SPEN: variants seen among roughly 807,000 people sequenced by gnomAD.
SPEN encodes msx2-interacting protein.
SPEN carries 18 observed loss-of-function variants against 269.9 expected under a neutral mutation model. The observed-to-expected ratio is 0.07, with a 90% CI of 0.05 to 0.10. The LOEUF (loss-of-function observed/expected upper bound fraction) is 0.10, where lower values mean the gene tolerates loss of function less well. Ranked by LOEUF, SPEN falls within the 10% of genes least tolerant of loss-of-function variation. The pLI, the probability that SPEN is intolerant of heterozygous loss-of-function variation, is 1.00. For missense variants in SPEN, 3,822 were observed against 4,631.2 expected (o/e 0.83, Z 5.07); for synonymous variants, 1,726 against 1,765.7 (o/e 0.98, Z 0.56).
intron 3 of SPEN, among the ~76,000 whole-genome samples, chr1:15,905,665 C>T (rs1044445930): frequency 2.0e-5 from 3 of 151,928 alleles, no homozygotes; most frequent in Non-Finnish European, 2.9e-5. Flanking sequence ...CTCCACCTCC[C>T]GGGTTCAAGC....
intron 3 of SPEN, among the ~76,000 whole-genome samples, chr1:15,886,053 TA>T (rs1216354986): frequency 7.2e-5 from 11 of 152,346 alleles, no homozygotes; most frequent in African/African-American, 2.4e-4. Context: ...TGGATACCTG[TA>T]AATAGGTCTG....
At chr1:15,917,411 CAG>C (rs1482154314) in intron 6 of SPEN, among the ~76,000 whole-genome samples, 1 of 152,050 alleles carries the variant, frequency 6.6e-6, no homozygotes, top group East Asian at 1.9e-4. Flanking sequence ...TTTTTTTAGA[CAG>C]AGTTTCACTC....
At position 15,936,133 on chromosome 1, in the gene SPEN, C is replaced by G. The variant is rs2071272740; in HGVS notation, c.9893C>G (p.Ser3298Cys). Residue 3298 changes from serine to cysteine, a missense_variant, in exon 11 of 15, where the codon TCC (serine) becomes TGC (cysteine). Transcript: ENST00000375759. ...VVTHGVQIVH[S>C]SGELFQEYRY... The stretch of plus-strand genomic sequence containing the variant: ...ACCCATGGGGTGCAGATTGTGCACT[C>G]CAGCGGGGAGCTGTTTCAAGAGTAC... The G allele has an allele frequency of 6.2e-7, 1 of 1,611,520 alleles. No individual in the cohort carries two copies. Among genetic ancestry groups the G allele is most frequent in the African/African-American group, 1.3e-5 (1 of 74,794 alleles).
At position 15,937,192 on chromosome 1, in the gene SPEN, G is replaced by T. The variant is rs1570074109; in HGVS notation, c.10056G>T (p.Gln3352His). Reference protein sequence around the residue: ...QGPPPEGEPLQPPQPVQSTQP... With the variant: ...QGPPPEGEPLHPPQPVQSTQP... ...CTCCTCCTGAAGGTGAGCCCCTGCA[G>T]CCTCCTCAGCCTGTGCAGTCCACAC... The change falls in exon 12 of 15, where the codon CAG becomes CAT. Residue 3352 changes from glutamine to histidine, a missense_variant. Physicochemically the swap from Gln to His is conservative, Grantham distance 24 (BLOSUM62 0). Coordinates refer to ENST00000375759, the MANE Select transcript of SPEN (RefSeq NM_015001.3). This position sits in a 1 kb window ranked among gnomAD's most constrained non-coding sequence, Gnocchi z 5.7. The T allele has an allele frequency of 6.2e-7, 1 of 1,613,018 alleles. No homozygotes were observed.
intron 7 of SPEN, 41 bp downstream of exon 7, chr1:15,919,092 CTTTGTTT>C: frequency 1.3e-6 from 2 of 1,574,388 alleles, no homozygotes; most frequent in Non-Finnish European, 1.7e-6. Flanking sequence ...TTATGATTTG[CTTTGTTT>C]TTTAAGACTT....
At chr1:15,891,918 A>G (rs767677600) in intron 3 of SPEN, among the ~76,000 whole-genome samples, 95 of 151,134 alleles carry the variant, frequency 6.3e-4, no homozygotes, top group Non-Finnish European at 9.0e-4. Context: ...AAAAAAAAAA[A>G]CTTATTTATG....
chr1:15,855,412 T>A (rs2070376319), intron 1 of SPEN, among the ~76,000 whole-genome samples: 1 of 152,150 alleles, frequency 6.6e-6, no homozygotes, highest in Non-Finnish European at 1.5e-5. Context: ...TTTTTACACA[T>A]CATTTATTTT....
Position 15,874,016 on chromosome 1 carries a change from C to T in SPEN, c.404+880C>T. On this transcript the variant is annotated intron_variant, in intron 2 of 14. Transcript: ENST00000375759. ...TGGGCTGGATGGCTACAAAAGTGAACTATTGGCGAGCAACTGTGCCTTCCT... is the reference window on the plus strand; with the variant it reads ...TGGGCTGGATGGCTACAAAAGTGAATTATTGGCGAGCAACTGTGCCTTCCT... The T allele has an allele frequency of 2.5e-6, 3 of 1,217,330 alleles. No individual in the cohort carries two copies. The African/African-American group carries it at 4.7e-5, about 19-fold the overall frequency. 75.4% of individuals were successfully genotyped at this position (1,217,330 alleles called of 1,614,324 possible).
At chr1:15,854,324 A>G (rs1055333966) in intron 1 of SPEN, among the ~76,000 whole-genome samples, 1 of 152,132 alleles carries the variant, frequency 6.6e-6, no homozygotes, top group Admixed American at 6.6e-5. Flanking sequence ...AAGTACATTT[A>G]TCTGTAGTTA....
Position 15,932,386 on chromosome 1 carries a change from G to T in SPEN, c.6146G>T (p.Gly2049Val). ...CAGAAACGTGACAGAAAAGATGCTG[G>T]CACAGACAAAAACCCCCCTGAAACC... ...SEQKRDRKDAGTDKNPPETAP... is the reference protein window; with the variant it reads ...SEQKRDRKDAVTDKNPPETAP... The change falls in exon 11 of 15, where the codon GGC becomes GTC. Residue 2049 changes from glycine (G) to valine (V), a missense_variant. Transcript: ENST00000375759. The surrounding 1 kb of genome is among the most constrained non-coding windows in gnomAD (Gnocchi z 4.2). 2 of 1,614,054 alleles carry T rather than the reference G, an allele frequency of 1.2e-6. No individual in the cohort carries two copies. The highest frequency in any genetic ancestry group is 1.7e-6 in the Non-Finnish European group (2 of 1,180,012).
intron 11 of SPEN, among the ~76,000 whole-genome samples, chr1:15,936,888 C>T (rs1305661662): frequency 6.6e-6 from 1 of 152,134 alleles, no homozygotes; most frequent in Non-Finnish European, 1.5e-5. Context: ...TTTCTTAGTT[C>T]TGAGATGAAA....
At chr1:15,860,630 G>T (rs1054827443) in intron 1 of SPEN, among the ~76,000 whole-genome samples, 4 of 150,954 alleles carry the variant, frequency 2.6e-5, no homozygotes, top group Non-Finnish European at 5.9e-5. Context: ...TTGAGATGGA[G>T]TCTTGCTCTG....
Position 15,848,227 on chromosome 1 carries a change from C to G in SPEN, c.83+77C>G. On this transcript the variant is annotated intron_variant, in intron 1 of 14. Transcript: ENST00000375759. This position sits in a 1 kb window ranked among gnomAD's most constrained non-coding sequence, Gnocchi z 5.1. ...GCCCCGGCCCGTTGCCGGCCCCTCC[C>G]GGAGCGCGGAGCTGGTGAGGAGGAC... 1 of 1,067,122 alleles carries G rather than the reference C, an allele frequency of 9.4e-7. No individual in the cohort carries two copies. The highest frequency in any genetic ancestry group is 2.8e-5 in the Admixed American group (1 of 35,458). 66.1% of individuals were successfully genotyped at this position (1,067,122 alleles called of 1,614,324 possible).
At chr1:15,905,051 G>A (rs1486053908) in intron 3 of SPEN, among the ~76,000 whole-genome samples, 1 of 150,930 alleles carries the variant, frequency 6.6e-6, no homozygotes, top group Non-Finnish European at 1.5e-5. Context: ...ACCACACCTG[G>A]CTAATTTTCT....
chr1:15,911,697 A>C (rs928026031), intron 5 of SPEN, among the ~76,000 whole-genome samples: 30 of 152,248 alleles, frequency 2.0e-4, no homozygotes, highest in African/African-American at 7.2e-4. Flanking sequence ...GCAGTGGCTC[A>C]TGCCTGTAAT....
In SPEN at chr1:15,937,852, A is replaced by G; in HGVS notation, c.10550A>G (p.Asn3517Ser). The change falls in exon 13 of 15, where the codon AAT becomes AGT. Residue 3517 changes from asparagine to serine, a missense_variant. Physicochemically the swap from Asn to Ser is conservative, Grantham distance 46. Around this residue, in one of 16 missense-constraint regions of SPEN, gnomAD observed 103 missense variants for 215.8 expected, o/e 0.48. Coordinates refer to ENST00000375759, the MANE Select transcript of SPEN (RefSeq NM_015001.3). This position sits in a 1 kb window ranked among gnomAD's most constrained non-coding sequence, Gnocchi z 5.7. ...IVWQGLLALK[N>S]DTAAVQLHFV... ...TGGCAGGGCCTGCTGGCCCTCAAGA[A>G]TGACACAGCTGCTGTGCAGCTCCAC... is the stretch of plus-strand genomic sequence containing the variant. 1 of 1,614,100 alleles carries G rather than the reference A, an allele frequency of 6.2e-7. No individual in the cohort carries two copies. Among genetic ancestry groups the G allele is most frequent in the South Asian group, 1.1e-5 (1 of 91,076 alleles).
chr1:15,893,314 T>G (rs1388282103), intron 3 of SPEN, among the ~76,000 whole-genome samples: 1 of 152,240 alleles, frequency 6.6e-6, no homozygotes, highest in East Asian at 1.9e-4. Context: ...TGTGATTCTT[T>G]ATATGTTATT....
chr1:15,918,333 C>T (rs1189496989), intron 6 of SPEN, among the ~76,000 whole-genome samples: 3 of 152,246 alleles, frequency 2.0e-5, no homozygotes, highest in African/African-American at 7.2e-5. Flanking sequence ...ATTCTCTTGC[C>T]TCAGCCTTCA....
chr1:15,935,366 C>T lies in SPEN; in HGVS notation c.9126C>T (p.Pro3042=). The T allele has an allele frequency of 6.2e-7, 1 of 1,614,128 alleles. No homozygotes were observed. Among genetic ancestry groups the T allele is most frequent in the Non-Finnish European group, 8.5e-7 (1 of 1,180,006 alleles). ...GPSSFPRASH[P]SSTASTALST... is the part of the protein sequence containing the mutation. Reference sequence around the variant, plus strand: ...CCTCATTCCCAAGGGCAAGCCACCCCAGCAGTACTGCATCTACGGCGCTCT... The same window carrying T: ...CCTCATTCCCAAGGGCAAGCCACCCTAGCAGTACTGCATCTACGGCGCTCT... Residue 3042 remains proline, a synonymous_variant, in exon 11 of 15, where the codon CCC becomes CCT. Coordinates refer to ENST00000375759, the MANE Select transcript of SPEN (RefSeq NM_015001.3). This position sits in a 1 kb window ranked among gnomAD's most constrained non-coding sequence, Gnocchi z 7.7.
Sources: gnomAD v4.1 joint callset for allele counts (sites outside exome capture counted in the v4.1 genomes callset) on GRCh38, gnomAD v4.1.1 for gene constraint, gnomAD v4.1.1 regional missense constraint, Gnocchi (gnomAD v3.1) non-coding constraint, MANE v1.5 for transcripts, NCBI Gene and HGNC (gene_info 2026-07-23, HGNC 2026-07-21) for gene names.